CADM2: variants seen among roughly 807,000 people sequenced by gnomAD.
The protein encoded by CADM2 is immunoglobulin superfamily member 4D.
In CADM2, 12 loss-of-function variants were observed where a neutral mutation model predicts 49.8. That is an observed-to-expected ratio of 0.24 (90% confidence interval 0.15 to 0.39). CADM2 has a LOEUF of 0.39. CADM2 is among the 10% of genes least tolerant of loss of function. CADM2 has a pLI of 1.00. For synonymous variants in CADM2, 214 were observed against 175.4 expected, an observed-to-expected ratio of 1.22 and a Z score of -1.74; for missense variants, 378 against 492.3, an observed-to-expected ratio of 0.77 and a Z score of 2.20.
chr3:85,272,697 T>C (rs1180686278), intron 1 of CADM2, among the ~76,000 whole-genome samples: 1 of 151,324 alleles, frequency 6.6e-6, no homozygotes, highest in Non-Finnish European at 1.5e-5. Context: ...ATGTTTACAA[T>C]TACTGAGTTA....
At chr3:85,492,102 A>G (rs2039700215) in intron 1 of CADM2, among the ~76,000 whole-genome samples, 1 of 152,188 alleles carries the variant, frequency 6.6e-6, no homozygotes, top group Admixed American at 6.5e-5. Context: ...ATTTTTTAAA[A>G]GAAAACAAAT....
intron 1 of CADM2, among the ~76,000 whole-genome samples, chr3:85,509,251 G>A (rs1406208086): frequency 6.6e-6 from 1 of 152,040 alleles, no homozygotes. Flanking sequence ...GGAAGAGGGT[G>A]GTGGCAGTTA....
chr3:85,041,225 A>T (rs1052410311), intron 1 of CADM2, among the ~76,000 whole-genome samples: 1 of 151,804 alleles, frequency 6.6e-6, no homozygotes, highest in Admixed American at 6.6e-5. Flanking sequence ...CAAGTTGCTT[A>T]GCAACTTAAA....
intron 1 of CADM2, among the ~76,000 whole-genome samples, chr3:85,537,860 A>G (rs1298551838): frequency 6.6e-6 from 1 of 152,110 alleles, no homozygotes; most frequent in African/African-American, 2.4e-5. Flanking sequence ...CAAATTTATC[A>G]TAACCTTGAC....
intron 1 of CADM2, among the ~76,000 whole-genome samples, chr3:85,475,110 A>C (rs1187512718): frequency 6.6e-6 from 1 of 151,942 alleles, no homozygotes; most frequent in Admixed American, 6.6e-5. Flanking sequence ...TTTTCCTCCC[A>C]TGGAGTCTGT....
At chr3:85,579,663 ATAT>A (rs931884350) in intron 1 of CADM2, among the ~76,000 whole-genome samples, 75 of 152,274 alleles carry the variant, frequency 4.9e-4, no homozygotes, top group African/African-American at 1.7e-3. Flanking sequence ...TATTAAGGTA[ATAT>A]TAATAATATA....
At chr3:85,216,427 A>G (rs1420990865) in intron 1 of CADM2, among the ~76,000 whole-genome samples, 1 of 150,034 alleles carries the variant, frequency 6.7e-6, no homozygotes, top group African/African-American at 2.5e-5. Flanking sequence ...TTATCCAATG[A>G]AATTTAAGGC....
chr3:85,440,867 A>G (rs541532175), intron 1 of CADM2, among the ~76,000 whole-genome samples: 12 of 152,240 alleles, frequency 7.9e-5, no homozygotes, highest in African/African-American at 1.9e-4. Context: ...CTGTAATCCC[A>G]GTTATTTACG....
intron 1 of CADM2, among the ~76,000 whole-genome samples, chr3:85,095,878 T>C (rs1410169729): frequency 6.6e-6 from 1 of 152,094 alleles, no homozygotes; most frequent in African/African-American, 2.4e-5. Flanking sequence ...ATTATGACAT[T>C]GCACAACAGT....
At chr3:85,636,476 G>A (rs2064490676) in intron 1 of CADM2, among the ~76,000 whole-genome samples, 1 of 152,080 alleles carries the variant, frequency 6.6e-6, no homozygotes, top group African/African-American at 2.4e-5. Context: ...AATTAGAAAT[G>A]TATAAAAATT....
chr3:85,148,292 A>G (rs373495227), intron 1 of CADM2, among the ~76,000 whole-genome samples: 3 of 152,218 alleles, frequency 2.0e-5, no homozygotes, highest in East Asian at 1.9e-4. Context: ...TGCAGCAGTA[A>G]CAGGGCAACT....
intron 1 of CADM2, among the ~76,000 whole-genome samples, chr3:85,567,750 A>G: frequency 6.6e-6 from 1 of 152,220 alleles, no homozygotes; most frequent in East Asian, 1.9e-4. Context: ...TCCATCTGCA[A>G]GCTCAAGAAA....
intron 1 of CADM2, among the ~76,000 whole-genome samples, chr3:85,586,085 G>A (rs141714292): frequency 6.6e-6 from 1 of 152,010 alleles, no homozygotes; most frequent in Non-Finnish European, 1.5e-5. Flanking sequence ...ACTCATTAAA[G>A]TGTGGTTGAT....
intron 1 of CADM2, among the ~76,000 whole-genome samples, chr3:85,105,411 A>G (rs1293882239): frequency 6.6e-6 from 1 of 152,298 alleles, no homozygotes; most frequent in Middle Eastern, 3.4e-3. Flanking sequence ...ATCTCACACC[A>G]GTTAGAATGG....
chr3:85,751,970 G>A (rs1214493752), intron 2 of CADM2, among the ~76,000 whole-genome samples: 1 of 152,026 alleles, frequency 6.6e-6, no homozygotes, highest in African/African-American at 2.4e-5. Context: ...GATTTTAGAT[G>A]AAATGAATCA....
At chr3:85,429,518 T>G (rs1369941927) in intron 1 of CADM2, among the ~76,000 whole-genome samples, 1 of 152,138 alleles carries the variant, frequency 6.6e-6, no homozygotes, top group Non-Finnish European at 1.5e-5. Flanking sequence ...TAACTTTTTT[T>G]TGATGCAAGT....
chr3:85,438,187 A>G (rs1559840020), intron 1 of CADM2, among the ~76,000 whole-genome samples: 1 of 152,084 alleles, frequency 6.6e-6, no homozygotes, highest in African/African-American at 2.4e-5. Context: ...TATCCAAAAT[A>G]TTTTTATTAC....
At chr3:85,646,443 TA>T (rs1481183453) in intron 1 of CADM2, among the ~76,000 whole-genome samples, 6 of 151,978 alleles carry the variant, frequency 3.9e-5, no homozygotes, top group Non-Finnish European at 4.4e-5. Flanking sequence ...TGATTTTCTC[TA>T]AAAAGAAGTA....
intron 2 of CADM2, among the ~76,000 whole-genome samples, chr3:85,797,913 C>T (rs74955449): frequency 0.41 from 62,475 of 152,004 alleles, 13,505 homozygotes; most frequent in East Asian, 0.76. Context: ...ACATCCTTTC[C>T]AGCATCTGTT....
Sources: allele counts gnomAD v4.1 joint callset (sites outside exome capture counted in the v4.1 genomes callset), GRCh38; gene constraint gnomAD v4.1.1; transcripts MANE v1.5; gene names NCBI Gene and HGNC (gene_info 2026-07-23, HGNC 2026-07-21).